The following ST7L variants were observed in gnomAD, a reference collection of about 807,000 sequenced individuals.
The protein encoded by ST7L is suppression of tumorigenicity 7 like.
ST7L carries 57 observed loss-of-function variants against 72.5 expected under a neutral mutation model. The ratio of observed to expected loss-of-function variants is 0.79; its 90% CI spans 0.64 to 0.98. ST7L has a LOEUF of 0.98. ST7L is among the 50% of genes least tolerant of loss of function. The pLI, the probability that ST7L is intolerant of heterozygous loss-of-function variation, is 0.00. For synonymous variants in ST7L, 221 were observed against 240.9 expected, an observed-to-expected ratio of 0.92 and a Z score of 0.77; for missense variants, 576 against 672.2, an observed-to-expected ratio of 0.86 and a Z score of 1.58.
chr1:112,549,516 C>T (rs1012002884), intron 13 of ST7L, among the ~76,000 whole-genome samples: 7 of 151,914 alleles, frequency 4.6e-5, no homozygotes, highest in Admixed American at 2.6e-4. Context: ...AAATTTCTTT[C>T]GTTAAATTTA....
intron 12 of ST7L, among the ~76,000 whole-genome samples, chr1:112,555,093 C>T (rs1488222240): frequency 6.6e-6 from 1 of 151,968 alleles, no homozygotes; most frequent in Non-Finnish European, 1.5e-5. Context: ...GTACATAATG[C>T]CACTGAACTA....
intron 12 of ST7L, among the ~76,000 whole-genome samples, chr1:112,550,923 A>C (rs1658015222): frequency 1.3e-5 from 2 of 152,138 alleles, no homozygotes; most frequent in Admixed American, 6.5e-5. Context: ...GTGATAGATG[A>C]GACTGGCTGG....
At chr1:112,540,731 A>T in intron 14 of ST7L, 1 of 1,226,620 alleles carries the variant, frequency 8.2e-7, no homozygotes, top group Non-Finnish European at 1.0e-6. Context: ...CTGTGAGGAA[A>T]CAAGTTAGAA....
chr1:112,613,747 G>A (rs1259300408), intron 2 of ST7L, among the ~76,000 whole-genome samples: 5 of 151,966 alleles, frequency 3.3e-5, no homozygotes, highest in Admixed American at 2.0e-4. Flanking sequence ...TTTTGTTGTT[G>A]AGACAAGGTC....
intron 4 of ST7L, among the ~76,000 whole-genome samples, chr1:112,599,127 TACACAC>T (rs71084480): frequency 0.015 from 1,571 of 103,772 alleles, 10 homozygotes; most frequent in African/African-American, 0.02. Flanking sequence ...TGTGTGTGTA[TACACAC>T]ACACACACAC....
In ST7L at chr1:112,567,185, T is replaced by A. The variant is rs558517273; in HGVS notation, c.1245+9801A>T. On this transcript the variant is annotated intron_variant, in intron 11 of 14. Transcript: ENST00000358039. ...TTACTTCATGACTTTATATTGCATT[T>A]CTCTCATAACTAATGATGTTGAACA... is the stretch of plus-strand genomic sequence containing the variant. Among the ~76,000 whole-genome samples the A allele has an allele frequency of 7.2e-5, 11 of 152,326 alleles. No homozygotes were observed. The South Asian group carries it at 1.4e-3, about 20-fold the overall frequency.
chr1:112,573,695 C>G, intron 11 of ST7L, among the ~76,000 whole-genome samples: 1 of 151,900 alleles, frequency 6.6e-6, no homozygotes. Flanking sequence ...ACAAATTATT[C>G]CACAGAATAA....
chr1:112,599,074 ATATATATAT>A lies in ST7L; in HGVS notation c.507-997_507-989del, dbSNP rs1269436484. On this transcript the variant is annotated intron_variant, in intron 4 of 14. Coordinates refer to ENST00000358039, the MANE Select transcript of ST7L (RefSeq NM_017744.5). ...GACTCAGCCTCAAAAAAAAAAAAAA[ATATATATAT>A]ATATATATATATATATATATATATA... Among the ~76,000 whole-genome samples, 154 of 40,264 alleles carry A rather than the reference ATATATATAT, an allele frequency of 3.8e-3. 21 individuals carry two copies. Among genetic ancestry groups the A allele is most frequent in the African/African-American group, 8.4e-3 (109 of 13,034 alleles). 26.4% of individuals were successfully genotyped at this position (40,264 alleles called of 152,430 possible).
At chr1:112,535,843 G>A (rs1395592210) in intron 14 of ST7L, among the ~76,000 whole-genome samples, 1 of 152,070 alleles carries the variant, frequency 6.6e-6, no homozygotes, top group Non-Finnish European at 1.5e-5. Context: ...TTCTTAGTTT[G>A]GTTCTTTTTG....
chr1:112,568,535 C>T (rs903090561), intron 11 of ST7L, among the ~76,000 whole-genome samples: 3 of 151,004 alleles, frequency 2.0e-5, no homozygotes, highest in African/African-American at 7.3e-5. Flanking sequence ...CGGAGTTTCA[C>T]CGTGTTAGCC....
intron 5 of ST7L, among the ~76,000 whole-genome samples, chr1:112,593,235 C>A (rs1039565464): frequency 2.0e-5 from 3 of 152,002 alleles, no homozygotes; most frequent in Admixed American, 6.6e-5. Context: ...CCAAAGCAGT[C>A]CTAAGCCTAA....
chr1:112,596,522 A>T (rs556629887), intron 5 of ST7L, among the ~76,000 whole-genome samples: 13 of 152,350 alleles, frequency 8.5e-5, no homozygotes, highest in Non-Finnish European at 1.2e-4. Flanking sequence ...GACTGGGAAG[A>T]TTAAATTTCT....
At chr1:112,563,102 T>TAAG (rs912284447) in intron 11 of ST7L, among the ~76,000 whole-genome samples, 1 of 149,410 alleles carries the variant, frequency 6.7e-6, no homozygotes, top group Non-Finnish European at 1.5e-5. Flanking sequence ...TTTGTTATAA[T>TAAG]AATAATAATA....
intron 4 of ST7L, among the ~76,000 whole-genome samples, chr1:112,598,390 C>T (rs563577737): frequency 6.6e-6 from 1 of 150,918 alleles, no homozygotes; most frequent in East Asian, 2.0e-4. Flanking sequence ...GACTTGAGAC[C>T]TGCAGTTTGA....
At chr1:112,523,510 C>T (rs1652994555), downstream of ST7L, 1 of 152,144 alleles carries the variant, frequency 6.6e-6, no homozygotes, top group Non-Finnish European at 1.5e-5. Context: ...CAAATAGACA[C>T]TAATTTATTT....
chr1:112,578,469 C>T (rs768956354), intron 9 of ST7L, 52 bp from the exon 10 acceptor site: 16 of 1,508,448 alleles, frequency 1.1e-5, no homozygotes, highest in South Asian at 1.1e-5. Flanking sequence ...GGTATTGAGA[C>T]AATTTTTTAA....
At chr1:112,565,374 A>G (rs569056922) in intron 11 of ST7L, among the ~76,000 whole-genome samples, 1 of 152,036 alleles carries the variant, frequency 6.6e-6, no homozygotes, top group East Asian at 1.9e-4. Flanking sequence ...CCCAGCCAAA[A>G]TAGTAACTTT....
chr1:112,556,318 T>A (rs1453942227), intron 11 of ST7L, among the ~76,000 whole-genome samples: 1 of 152,208 alleles, frequency 6.6e-6, no homozygotes, highest in Non-Finnish European at 1.5e-5. Flanking sequence ...AGATATTTAT[T>A]TTTCCAAAAA....
rs1003617394 is a variant in ST7L, at chr1:112,589,537, T to G, written c.701+1988A>C. On this transcript the variant is annotated intron_variant, in intron 6 of 14. Coordinates refer to ENST00000358039, the MANE Select transcript of ST7L (RefSeq NM_017744.5). ...TCTACTCCCTAGGATTTGTTGTTGC[T>G]GCTTTTGCAGTTGTTTGTTTAGTGA... 1.1e-4 allele frequency among the ~76,000 whole-genome samples: 16 copies of G among 152,252 alleles called. 1 individual carries two copies. Among genetic ancestry groups the G allele is most frequent in the African/African-American group, 3.9e-4 (16 of 41,476 alleles).
Sources: gnomAD v4.1 joint callset for allele counts (sites outside exome capture counted in the v4.1 genomes callset) on GRCh38, gnomAD v4.1.1 for gene constraint, MANE v1.5 for transcripts, NCBI Gene and HGNC (gene_info 2026-07-23, HGNC 2026-07-21) for gene names.